Variants in CAV1 observed in about 807,000 individuals in gnomAD.
CAV1 encodes caveolin-1.
Under a neutral mutation model 16.5 loss-of-function variants are expected in CAV1, and 10 were observed. The ratio of observed to expected loss-of-function variants is 0.61; its 90% CI spans 0.37 to 1.03. CAV1 has a LOEUF of 1.03. Ranked by LOEUF, CAV1 falls within the 50% of genes least tolerant of loss-of-function variation. The probability of loss-of-function intolerance (pLI) is 0.01; values close to 1 mark genes in which losing one functional copy is unlikely to be tolerated. For missense variants in CAV1, 212 were observed against 232.8 expected (o/e 0.91, Z 0.58); for synonymous variants, 76 against 85.1 (o/e 0.89, Z 0.59).
At chr7:116,554,269 TA>T (rs1203088081) in intron 2 of CAV1, among the ~76,000 whole-genome samples, 1 of 152,196 alleles carries the variant, frequency 6.6e-6, no homozygotes, top group Non-Finnish European at 1.5e-5. Flanking sequence ...CTTGGATTTG[TA>T]AAAAATATTC....
At chr7:116,552,909 A>G (rs1794192429) in intron 2 of CAV1, among the ~76,000 whole-genome samples, 1 of 152,228 alleles carries the variant, frequency 6.6e-6, no homozygotes, top group African/African-American at 2.4e-5. Context: ...ACCCGAATCC[A>G]TCAGGATCCT....
At chr7:116,533,401 A>G (rs932451700) in intron 2 of CAV1, among the ~76,000 whole-genome samples, 4 of 149,088 alleles carry the variant, frequency 2.7e-5, no homozygotes, top group African/African-American at 9.9e-5. Context: ...ATAAAATAAA[A>G]TAAAATAAAA....
At chr7:116,548,788 T>G (rs1584780924) in intron 2 of CAV1, among the ~76,000 whole-genome samples, 1 of 152,156 alleles carries the variant, frequency 6.6e-6, no homozygotes, top group South Asian at 2.1e-4. Context: ...ATCTGTAAAA[T>G]GGGGGGAAAT....
At chr7:116,548,165 G>T (rs1013787462) in intron 2 of CAV1, among the ~76,000 whole-genome samples, 2 of 152,196 alleles carry the variant, frequency 1.3e-5, no homozygotes, top group Non-Finnish European at 2.9e-5. Flanking sequence ...CCTGGACCCT[G>T]CCCTTGGAGC....
At chr7:116,548,989 T>C (rs1794106150) in intron 2 of CAV1, among the ~76,000 whole-genome samples, 1 of 152,174 alleles carries the variant, frequency 6.6e-6, no homozygotes, top group South Asian at 2.1e-4. Context: ...ATGTCCCTTG[T>C]TCTATGCATC....
At chr7:116,545,821 T>C (rs1358732168) in intron 2 of CAV1, among the ~76,000 whole-genome samples, 1 of 152,232 alleles carries the variant, frequency 6.6e-6, no homozygotes, top group Non-Finnish European at 1.5e-5. Flanking sequence ...TGGCAATCAT[T>C]CAGATTTGTC....
chr7:116,526,192 T>C (rs953555241), intron 1 of CAV1: 216 of 793,058 alleles, frequency 2.7e-4, no homozygotes, highest in Non-Finnish European at 3.2e-4. Flanking sequence ...CTGCGGGTCC[T>C]GCGTGCTGAG....
chr7:116,526,470 C>T, intron 1 of CAV1, 55 bp from the exon 2 acceptor site: 3 of 1,611,436 alleles, frequency 1.9e-6, no homozygotes, highest in Non-Finnish European at 2.5e-6. Flanking sequence ...CATTTTTCCT[C>T]CCACCGCCGT....
At chr7:116,526,887 C>T (rs1793576244) in intron 2 of CAV1, 198 bp downstream of exon 2, 1 of 634,394 alleles carries the variant, frequency 1.6e-6, no homozygotes, top group Admixed American at 2.3e-5. Context: ...CTCCCTTCCC[C>T]CATCTCCCCC....
intron 2 of CAV1, among the ~76,000 whole-genome samples, chr7:116,529,683 T>C (rs1450177885): frequency 1.3e-5 from 2 of 152,198 alleles, no homozygotes; most frequent in Non-Finnish European, 2.9e-5. Flanking sequence ...TATTACCTAT[T>C]TTACTAGTAA....
chr7:116,530,780 G>GT (rs138223585), intron 2 of CAV1, among the ~76,000 whole-genome samples: 32,901 of 152,098 alleles, frequency 0.22, 3,887 homozygotes, highest in Middle Eastern at 0.29. Context: ...AAAATGCGGA[G>GT]TCTGTAAATC....
rs1309421935 is a variant in CAV1 at position 116,560,941 on chromosome 7, G to T, written c.*1654G>T. Reference sequence around the variant, plus strand: ...ATACTGCATACTTTTTAAATGTAAAGATATTTTTATCTTTATATGAAGAAA... The same window carrying T: ...ATACTGCATACTTTTTAAATGTAAATATATTTTTATCTTTATATGAAGAAA... On this transcript the variant is annotated 3_prime_UTR_variant, in exon 3 of 3. Transcript: ENST00000341049. 1 of 152,558 alleles carries T rather than the reference G, an allele frequency of 6.6e-6. No homozygotes were observed. The highest frequency in any genetic ancestry group is 6.6e-5 in the Admixed American group (1 of 15,258). The allele number at this position is 152,558 out of a possible 1,614,324, so 9.5% of individuals were successfully genotyped here. A position where few individuals can be genotyped will look rare whatever the true frequency, so the allele number is the denominator to read the frequency against.
chr7:116,552,942 A>G (rs568191337), intron 2 of CAV1, among the ~76,000 whole-genome samples: 7 of 152,158 alleles, frequency 4.6e-5, no homozygotes, highest in Non-Finnish European at 8.8e-5. Flanking sequence ...GTGGGACTGT[A>G]AATTTTGAGC....
chr7:116,535,718 A>C (rs1793797228), intron 2 of CAV1, among the ~76,000 whole-genome samples: 2 of 152,296 alleles, frequency 1.3e-5, no homozygotes, highest in South Asian at 4.1e-4. Flanking sequence ...CATGGGAACT[A>C]TGTTGATGTT....
At chr7:116,553,034 A>G (rs867666928) in intron 2 of CAV1, among the ~76,000 whole-genome samples, 2 of 152,220 alleles carry the variant, frequency 1.3e-5, no homozygotes, top group African/African-American at 2.4e-5. Context: ...ACAATTTCCA[A>G]TAACAGTCTA....
At chr7:116,546,404 T>C (rs1219122594) in intron 2 of CAV1, among the ~76,000 whole-genome samples, 2 of 151,912 alleles carry the variant, frequency 1.3e-5, no homozygotes, top group African/African-American at 2.4e-5. Context: ...AAAAAGAATA[T>C]GCAGGCCAGG....
At chr7:116,526,303 G>C in intron 1 of CAV1, 1 of 1,386,286 alleles carries the variant, frequency 7.2e-7, no homozygotes, top group Non-Finnish European at 9.4e-7. Context: ...AGAGTACAGA[G>C]GGGTGTGGTG....
intron 2 of CAV1, among the ~76,000 whole-genome samples, chr7:116,529,750 A>C (rs1002350261): frequency 1.3e-5 from 2 of 152,206 alleles, no homozygotes; most frequent in African/African-American, 4.8e-5. Flanking sequence ...TTCTCATCTT[A>C]CTAAAAGCTT....
intron 2 of CAV1, among the ~76,000 whole-genome samples, chr7:116,533,382 T>C (rs1306800848): frequency 8.6e-6 from 1 of 115,666 alleles, no homozygotes. Flanking sequence ...TAAAATAAAA[T>C]AAAATAAAAT....
Sources: allele counts gnomAD v4.1 joint callset (sites outside exome capture counted in the v4.1 genomes callset), GRCh38; gene constraint gnomAD v4.1.1; transcripts MANE v1.5; gene names NCBI Gene and HGNC (gene_info 2026-07-23, HGNC 2026-07-21).